NBEA: variants seen among roughly 807,000 people sequenced by gnomAD.
NBEA encodes the protein lysosomal-trafficking regulator 2.
In NBEA, 44 loss-of-function variants were observed where a neutral mutation model predicts 343.4. The ratio of observed to expected loss-of-function variants is 0.13; its 90% confidence interval spans 0.10 to 0.16. NBEA has a LOEUF of 0.16. Ranked by LOEUF, NBEA falls within the 10% of genes least tolerant of loss-of-function variation. NBEA has a pLI of 1.00. For missense variants in NBEA, 2,555 were observed against 3,631.3 expected (o/e 0.70, Z 7.62); for synonymous variants, 1,175 against 1,238.7 (o/e 0.95, Z 1.08).
chr13:35,016,862 G>A (rs1488501538), intron 1 of NBEA, among the ~76,000 whole-genome samples: 1 of 152,122 alleles, frequency 6.6e-6, no homozygotes, highest in African/African-American at 2.4e-5. Flanking sequence ...GTGAGCAAAA[G>A]GCCTGGGAGT....
chr13:35,255,077 A>G (rs962031490), intron 34 of NBEA, among the ~76,000 whole-genome samples: 3 of 152,164 alleles, frequency 2.0e-5, no homozygotes, highest in Admixed American at 1.3e-4. Context: ...TAGGTTATCA[A>G]ATTTATTATT....
intron 18 of NBEA, among the ~76,000 whole-genome samples, chr13:35,144,548 A>C (rs2068297045): frequency 6.6e-6 from 1 of 152,130 alleles, no homozygotes; most frequent in South Asian, 2.1e-4. Context: ...TCCTTTTGCT[A>C]GTCATGCGAA....
At chr13:35,040,124 G>A (rs2062595789) in intron 1 of NBEA, among the ~76,000 whole-genome samples, 2 of 152,008 alleles carry the variant, frequency 1.3e-5, no homozygotes, top group Non-Finnish European at 1.5e-5. Flanking sequence ...TAGACCAAAA[G>A]GATATCCAGT....
chr13:35,120,112 A>G (rs887570691), intron 16 of NBEA, among the ~76,000 whole-genome samples: 1 of 152,212 alleles, frequency 6.6e-6, no homozygotes, highest in African/African-American at 2.4e-5. Context: ...AGATATCCAC[A>G]TTACTCTTGT....
chr13:35,633,549 G>C (rs1407561238), intron 49 of NBEA, among the ~76,000 whole-genome samples: 1 of 151,696 alleles, frequency 6.6e-6, no homozygotes, highest in Non-Finnish European at 1.5e-5. Flanking sequence ...AACAAAAATG[G>C]ATAGAAAGAT....
chr13:35,078,957 G>A (rs1331929414), intron 10 of NBEA, among the ~76,000 whole-genome samples: 4 of 152,194 alleles, frequency 2.6e-5, no homozygotes, highest in Non-Finnish European at 4.4e-5. Context: ...GGGAGGCGGA[G>A]GTTGCAGAGG....
intron 40 of NBEA, among the ~76,000 whole-genome samples, chr13:35,465,328 CT>C (rs900031743): frequency 2.0e-5 from 3 of 152,156 alleles, no homozygotes; most frequent in African/African-American, 7.2e-5. Context: ...ATAATAACCC[CT>C]GTCTTCAATT....
rs78759625 is a variant in NBEA at position 35,649,646 on chromosome 13, A to G, written c.7771-9A>G. On this transcript the variant is annotated splice_polypyrimidine_tract_variant and intron_variant, in intron 51 of 58. Coordinates refer to ENST00000379939, the MANE Select transcript of NBEA (RefSeq NM_001385012.1). ...TCTTCCTCTGTTCTCTTCCCTTTCTATTCAACAGTGTTTCCTTCCACAGAG... is the reference window on the plus strand; with the variant it reads ...TCTTCCTCTGTTCTCTTCCCTTTCTGTTCAACAGTGTTTCCTTCCACAGAG... 2.2e-3 allele frequency: 3,525 copies of G among 1,606,110 alleles called. 59 individuals are homozygous for G. The African/African-American group carries it at 0.042, about 19-fold the overall frequency.
At chr13:35,067,894 C>T (rs1233540700) in intron 8 of NBEA, among the ~76,000 whole-genome samples, 1 of 151,964 alleles carries the variant, frequency 6.6e-6, no homozygotes, top group Non-Finnish European at 1.5e-5. Context: ...TGACACCACA[C>T]TTGGCTAATT....
intron 1 of NBEA, among the ~76,000 whole-genome samples, chr13:34,970,875 C>T (rs2059976735): frequency 6.6e-6 from 1 of 151,866 alleles, no homozygotes; most frequent in Non-Finnish European, 1.5e-5. Context: ...TGGTTCCATA[C>T]GAATTTAAAA....
chr13:35,525,483 G>T (rs1231538992), intron 41 of NBEA, among the ~76,000 whole-genome samples: 1 of 152,088 alleles, frequency 6.6e-6, no homozygotes, highest in Non-Finnish European at 1.5e-5. Flanking sequence ...AACCCAGAAG[G>T]CAGAGGTTGC....
At chr13:35,551,333 C>G (rs1294143412) in intron 43 of NBEA, among the ~76,000 whole-genome samples, 3 of 151,898 alleles carry the variant, frequency 2.0e-5, no homozygotes, top group Non-Finnish European at 4.4e-5. Flanking sequence ...GGAAACATAC[C>G]AAAAGCCTGA....
intron 34 of NBEA, among the ~76,000 whole-genome samples, chr13:35,285,793 T>C (rs554016834): frequency 6.6e-6 from 1 of 152,266 alleles, no homozygotes. Context: ...CTGCTTAAAA[T>C]CCTGTAGTGG....
At chr13:35,476,415 C>T in intron 41 of NBEA, 1 of 966,402 alleles carries the variant, frequency 1.0e-6, no homozygotes, top group Non-Finnish European at 1.6e-6. Flanking sequence ...GTCCTCCCCC[C>T]TCTGCTTGTC....
chr13:35,634,194 A>C (rs1158401180), intron 49 of NBEA, among the ~76,000 whole-genome samples: 1 of 152,014 alleles, frequency 6.6e-6, no homozygotes, highest in Non-Finnish European at 1.5e-5. Flanking sequence ...AATACAAAAA[A>C]TAGCTGGGCG....
At chr13:35,112,592 T>G (rs2066271428) in intron 13 of NBEA, among the ~76,000 whole-genome samples, 1 of 152,162 alleles carries the variant, frequency 6.6e-6, no homozygotes, top group Non-Finnish European at 1.5e-5. Flanking sequence ...AAATCATATA[T>G]TCACACATAA....
chr13:35,616,823 T>C (rs2082758764), intron 48 of NBEA, among the ~76,000 whole-genome samples: 1 of 152,250 alleles, frequency 6.6e-6, no homozygotes, highest in South Asian at 2.1e-4. Flanking sequence ...CTTCTGTTTA[T>C]ATATACTTCT....
intron 34 of NBEA, among the ~76,000 whole-genome samples, chr13:35,281,941 C>G (rs1594065700): frequency 6.6e-6 from 1 of 152,034 alleles, no homozygotes; most frequent in East Asian, 1.9e-4. Context: ...GAGACGGAGT[C>G]TTACTCTGTC....
intron 27 of NBEA, among the ~76,000 whole-genome samples, chr13:35,175,856 T>G (rs2070858732): frequency 6.6e-6 from 1 of 152,146 alleles, no homozygotes; most frequent in Non-Finnish European, 1.5e-5. Context: ...GACCTCATTT[T>G]TATACTGTGT....
Sources: allele counts gnomAD v4.1 joint callset (sites outside exome capture counted in the v4.1 genomes callset), GRCh38; gene constraint gnomAD v4.1.1; transcripts MANE v1.5; gene names NCBI Gene and HGNC (gene_info 2026-07-23, HGNC 2026-07-21).